The following MAD1L1 variants were observed in gnomAD, a reference collection of about 807,000 sequenced individuals.
MAD1L1 encodes the protein mitotic spindle assembly checkpoint protein MAD1.
MAD1L1 carries 95 observed loss-of-function variants against 96.9 expected under a neutral mutation model. That is an observed-to-expected ratio of 0.98 (90% CI 0.83 to 1.16). The LOEUF is 1.16. Among genes scored for constraint, MAD1L1 ranks in the 50% most tolerant of loss-of-function variants. MAD1L1 has a pLI of 0.00. For missense variants in MAD1L1, 1,007 were observed against 954.4 expected (o/e 1.06, Z -0.73); for synonymous variants, 473 against 396.6 (o/e 1.19, Z -2.29).
chr7:1,953,389 G>A (rs1010009632), intron 16 of MAD1L1, among the ~76,000 whole-genome samples: 3 of 152,180 alleles, frequency 2.0e-5, no homozygotes, highest in African/African-American at 7.2e-5. Context: ...ACCCCACCCA[G>A]GCCCCCGCCA....
chr7:2,157,024 G>A (rs1789882372), intron 10 of MAD1L1, among the ~76,000 whole-genome samples: 1 of 152,092 alleles, frequency 6.6e-6, no homozygotes, highest in Admixed American at 6.5e-5. Context: ...CAAATATTAG[G>A]TTACAGAATT....
chr7:2,010,007 G>A (rs952191754), intron 13 of MAD1L1, among the ~76,000 whole-genome samples: 4 of 150,604 alleles, frequency 2.7e-5, no homozygotes, highest in African/African-American at 9.8e-5. Context: ...CCACAGCCCA[G>A]ACTCCAGGGT....
At chr7:2,041,365 G>C (rs777793561) in intron 12 of MAD1L1, among the ~76,000 whole-genome samples, 5 of 147,598 alleles carry the variant, frequency 3.4e-5, no homozygotes, top group Admixed American at 3.4e-4. Context: ...CTGTCTCCTA[G>C]TCTGGGGCTG....
intron 12 of MAD1L1, among the ~76,000 whole-genome samples, chr7:2,060,622 T>C (rs956950060): frequency 6.6e-6 from 1 of 151,492 alleles, no homozygotes; most frequent in African/African-American, 2.4e-5. Context: ...CGTAAACAAA[T>C]AAAAAAAGAG....
chr7:1,855,966 G>A (rs180908797), intron 18 of MAD1L1, among the ~76,000 whole-genome samples: 106 of 152,294 alleles, frequency 7.0e-4, no homozygotes, highest in Non-Finnish European at 2.5e-4. Context: ...AACTCAAGGC[G>A]CCGGCAGACG....
chr7:1,957,535 G>C, intron 16 of MAD1L1, 94 bp downstream of exon 16: 2 of 1,206,718 alleles, frequency 1.7e-6, no homozygotes, highest in East Asian at 4.7e-5. Flanking sequence ...CAGAAAACGG[G>C]TGTTCTGTGG....
At chr7:2,084,565 G>C (rs913135095) in intron 11 of MAD1L1, among the ~76,000 whole-genome samples, 6 of 152,262 alleles carry the variant, frequency 3.9e-5, no homozygotes, top group African/African-American at 9.6e-5. Flanking sequence ...ACCCAGCTCA[G>C]TGCGGAGTCC....
intron 18 of MAD1L1, among the ~76,000 whole-genome samples, chr7:1,892,066 C>T (rs1392340453): frequency 2.0e-5 from 3 of 152,218 alleles, no homozygotes; most frequent in South Asian, 2.1e-4. Context: ...GAGCACCCTA[C>T]GCAGGTGCAC....
At chr7:2,037,398 T>C (rs1783488130) in intron 12 of MAD1L1, among the ~76,000 whole-genome samples, 1 of 152,178 alleles carries the variant, frequency 6.6e-6, no homozygotes, top group Admixed American at 6.5e-5. Context: ...ATACTGTGCT[T>C]CTTACAAATG....
At chr7:2,214,463 G>T (rs1392163687) in intron 9 of MAD1L1, among the ~76,000 whole-genome samples, 1 of 152,162 alleles carries the variant, frequency 6.6e-6, no homozygotes, top group Non-Finnish European at 1.5e-5. Context: ...CTCTGAAGAG[G>T]ACAGAGACGC....
intron 16 of MAD1L1, among the ~76,000 whole-genome samples, chr7:1,954,061 C>A (rs552977920): frequency 6.6e-6 from 1 of 152,244 alleles, no homozygotes. Flanking sequence ...CCCCGACCAG[C>A]CTCACTGTGG....
chr7:2,143,442 G>A (rs1272592067), intron 11 of MAD1L1, among the ~76,000 whole-genome samples: 2 of 151,390 alleles, frequency 1.3e-5, no homozygotes, highest in Admixed American at 1.3e-4. Flanking sequence ...ACCAACAGCA[G>A]GAAAGACTCA....
At chr7:2,012,734 C>T (rs1039893678) in intron 13 of MAD1L1, among the ~76,000 whole-genome samples, 9 of 152,190 alleles carry the variant, frequency 5.9e-5, no homozygotes, top group East Asian at 1.9e-4. Flanking sequence ...GGTGGGGACA[C>T]GGCATAGTTC....
At chr7:1,904,345 A>G (rs1383777046) in intron 17 of MAD1L1, among the ~76,000 whole-genome samples, 1,022 of 71,174 alleles carry the variant, frequency 0.014, 1 homozygote, top group Middle Eastern at 0.054. Context: ...TCCAGGCAGC[A>G]AGGATGCAGT....
chr7:1,950,060 G>T (rs1779416387), intron 16 of MAD1L1, among the ~76,000 whole-genome samples: 1 of 150,142 alleles, frequency 6.7e-6, no homozygotes, highest in African/African-American at 2.4e-5. Context: ...CTACTTGAGG[G>T]GACAGCAGAG....
rs11983704 is a variant in MAD1L1 at position 2,118,306 on chromosome 7, C to T, written c.1073+30846G>A. Among the ~76,000 whole-genome samples the T allele has an allele frequency of 6.1e-3, 727 of 119,894 alleles. 10 individuals carry two copies. Among genetic ancestry groups the T allele is most frequent in the African/African-American group, 0.022 (688 of 31,612 alleles). The allele number at this position is 119,894 out of a possible 152,430, so 78.7% of individuals were successfully genotyped here. A position where few individuals can be genotyped will look rare whatever the true frequency, so the allele number is the denominator to read the frequency against. ...CAGAACGGGGCCTGAGCCTGACACA[C>T]GCAGGACGTGGTTGGCGGTCACAGA... On this transcript the variant is annotated intron_variant, in intron 11 of 18. Transcript: ENST00000265854.
chr7:1,987,169 C>A (rs1781189251), intron 14 of MAD1L1, among the ~76,000 whole-genome samples: 1 of 152,214 alleles, frequency 6.6e-6, no homozygotes, highest in Non-Finnish European at 1.5e-5. Flanking sequence ...GAAGTGCCCA[C>A]CCCCACTCCT....
intron 18 of MAD1L1, chr7:1,847,748 G>A (rs770391080): frequency 6.4e-5 from 30 of 468,380 alleles, no homozygotes; most frequent in African/African-American, 3.4e-4. Flanking sequence ...CCCGGGACAC[G>A]GAACACACTT....
At chr7:2,227,548 GA>G (rs1442617512) in intron 3 of MAD1L1, among the ~76,000 whole-genome samples, 2 of 152,112 alleles carry the variant, frequency 1.3e-5, no homozygotes, top group African/African-American at 2.4e-5. Flanking sequence ...AAAGTCCTGA[GA>G]AAAAAGAATT....
Sources: allele counts gnomAD v4.1 joint callset (sites outside exome capture counted in the v4.1 genomes callset), GRCh38; gene constraint gnomAD v4.1.1; transcripts MANE v1.5; gene names NCBI Gene and HGNC (gene_info 2026-07-23, HGNC 2026-07-21).